The following FAM107B variants were observed in gnomAD, a reference collection of about 807,000 sequenced individuals.
The protein encoded by FAM107B is protein FAM107B.
In FAM107B, 21 loss-of-function variants were observed where a neutral mutation model predicts 31.5. The observed-to-expected ratio is 0.67, with a 90% CI of 0.47 to 0.96. The LOEUF (loss-of-function observed/expected upper bound fraction) is 0.96. Ranked by LOEUF, FAM107B falls within the 40% of genes least tolerant of loss-of-function variation. FAM107B has a pLI of 0.00. For synonymous variants in FAM107B, 157 were observed against 141.5 expected (o/e 1.11, Z -0.78); for missense variants, 452 against 377.1 (o/e 1.20, Z -1.64).
chr10:14,582,843 T>C (rs1326440510), intron 2 of FAM107B, among the ~76,000 whole-genome samples: 1 of 151,934 alleles, frequency 6.6e-6, no homozygotes. Context: ...CCCAGCACTT[T>C]GGGAGGCCAA....
At chr10:14,745,368 C>T (rs1832703952) in intron 1 of FAM107B, among the ~76,000 whole-genome samples, 2 of 151,852 alleles carry the variant, frequency 1.3e-5, no homozygotes, top group African/African-American at 4.8e-5. Flanking sequence ...GCTCTTGGTT[C>T]TCTAGTTCTT....
At chr10:14,659,395 T>C (rs1478434922) in intron 2 of FAM107B, among the ~76,000 whole-genome samples, 1 of 151,956 alleles carries the variant, frequency 6.6e-6, no homozygotes, top group Non-Finnish European at 1.5e-5. Flanking sequence ...GAGCTGAGAT[T>C]GCCCCACTTC....
intron 1 of FAM107B, among the ~76,000 whole-genome samples, chr10:14,730,228 G>T (rs1272474413): frequency 1.3e-5 from 2 of 152,290 alleles, no homozygotes; most frequent in South Asian, 2.1e-4. Context: ...TATCTCTGAG[G>T]TGGTTTCATA....
chr10:14,644,819 A>T (rs912268335), intron 2 of FAM107B, among the ~76,000 whole-genome samples: 1 of 152,212 alleles, frequency 6.6e-6, no homozygotes, highest in Non-Finnish European at 1.5e-5. Flanking sequence ...CGGACAGGAG[A>T]GGTCTTTCTT....
At chr10:14,594,501 C>CAAAAAAA (rs371126997) in intron 2 of FAM107B, among the ~76,000 whole-genome samples, 1 of 80,162 alleles carries the variant, frequency 1.2e-5, no homozygotes, top group Non-Finnish European at 2.3e-5. Flanking sequence ...AAGACCCTGC[C>CAAAAAAA]AAAAAAAAAA....
intron 1 of FAM107B, among the ~76,000 whole-genome samples, chr10:14,769,311 T>C (rs1325049641): frequency 6.6e-6 from 1 of 152,206 alleles, no homozygotes; most frequent in Non-Finnish European, 1.5e-5. Context: ...AACCAACCTG[T>C]TCCAAAAATC....
At chr10:14,750,240 G>A (rs1832800663) in intron 1 of FAM107B, among the ~76,000 whole-genome samples, 1 of 152,230 alleles carries the variant, frequency 6.6e-6, no homozygotes, top group African/African-American at 2.4e-5. Context: ...CTTGGGGCAT[G>A]GGGTGTCTTT....
chr10:14,604,367 C>A (rs1292446481), intron 2 of FAM107B: 1 of 505,436 alleles, frequency 2.0e-6, no homozygotes, highest in Non-Finnish European at 2.5e-6. Context: ...GGCGGCGGCC[C>A]GGCCCGCAAG....
chr10:14,675,445 C>T (rs1002277984), intron 1 of FAM107B, among the ~76,000 whole-genome samples: 1 of 152,140 alleles, frequency 6.6e-6, no homozygotes, highest in Non-Finnish European at 1.5e-5. Context: ...AGGTCAGTAG[C>T]TTTCTGCTCC....
intron 1 of FAM107B, among the ~76,000 whole-genome samples, chr10:14,707,307 A>G (rs1855544387): frequency 6.6e-6 from 1 of 152,160 alleles, no homozygotes; most frequent in Admixed American, 6.6e-5. Context: ...AAGTGAGTTC[A>G]GGGGCTGTCA....
intron 1 of FAM107B, among the ~76,000 whole-genome samples, chr10:14,716,855 C>T (rs1229219286): frequency 1.2e-4 from 19 of 152,056 alleles, no homozygotes; most frequent in Non-Finnish European, 2.2e-4. Flanking sequence ...TTTGGGAGGA[C>T]GAGACAGGTT....
chr10:14,583,066 A>G (rs1851699943), intron 2 of FAM107B, among the ~76,000 whole-genome samples: 1 of 151,118 alleles, frequency 6.6e-6, no homozygotes, highest in African/African-American at 2.4e-5. Flanking sequence ...CAGCCTGGGC[A>G]AAACAGTGAG....
At chr10:14,759,237 T>C (rs1832993819) in intron 1 of FAM107B, among the ~76,000 whole-genome samples, 1 of 149,254 alleles carries the variant, frequency 6.7e-6, no homozygotes, top group Admixed American at 6.6e-5. Context: ...GCAGCAAAGG[T>C]CTGGGCTGCT....
chr10:14,735,897 C>G (rs960491640), intron 1 of FAM107B, among the ~76,000 whole-genome samples: 1 of 152,138 alleles, frequency 6.6e-6, no homozygotes, highest in Non-Finnish European at 1.5e-5. Flanking sequence ...TATATCTCTA[C>G]AGTACTAAAA....
chr10:14,597,109 T>C (rs2131358909), intron 2 of FAM107B, among the ~76,000 whole-genome samples: 1 of 152,230 alleles, frequency 6.6e-6, no homozygotes, highest in Middle Eastern at 3.4e-3. Flanking sequence ...CCCTGACCAG[T>C]TTTATGTGTT....
At chr10:14,687,960 T>G (rs1023448796) in intron 1 of FAM107B, among the ~76,000 whole-genome samples, 1 of 152,192 alleles carries the variant, frequency 6.6e-6, no homozygotes, top group African/African-American at 2.4e-5. Flanking sequence ...GATCTTGGGT[T>G]TGTCTGTAAG....
At chr10:14,533,385 G>A (rs1847242302) in intron 2 of FAM107B, among the ~76,000 whole-genome samples, 1 of 152,126 alleles carries the variant, frequency 6.6e-6, no homozygotes. Context: ...CAACCAGAAG[G>A]CTCAAGTTGC....
At chr10:14,730,365 C>T (rs1232945508) in intron 1 of FAM107B, among the ~76,000 whole-genome samples, 1 of 152,162 alleles carries the variant, frequency 6.6e-6, no homozygotes, top group Admixed American at 6.5e-5. Flanking sequence ...CCTGACCCGA[C>T]TCTTGCCCAA....
intron 1 of FAM107B, among the ~76,000 whole-genome samples, chr10:14,693,295 G>A (rs1855187848): frequency 6.6e-6 from 1 of 152,094 alleles, no homozygotes; most frequent in Non-Finnish European, 1.5e-5. Flanking sequence ...GGCCAACATG[G>A]GGAAACCCCA....
Sources: allele counts gnomAD v4.1 joint callset (sites outside exome capture counted in the v4.1 genomes callset), GRCh38; gene constraint gnomAD v4.1.1; transcripts MANE v1.5; gene names NCBI Gene and HGNC (gene_info 2026-07-23, HGNC 2026-07-21).